The following SMYD3 variants were observed in gnomAD, a reference collection of about 807,000 sequenced individuals.
SMYD3 encodes histone-lysine N-methyltransferase SMYD3.
Under a neutral mutation model 57.7 loss-of-function variants are expected in SMYD3, and 36 were observed. The observed-to-expected ratio is 0.62, with a 90% CI of 0.48 to 0.82. The LOEUF (loss-of-function observed/expected upper bound fraction) is 0.82, where lower values mean the gene tolerates loss of function less well. SMYD3 is among the 40% of genes least tolerant of loss of function. SMYD3 has a pLI of 0.00. For missense variants in SMYD3, 515 were observed against 538.8 expected (o/e 0.96, Z 0.44); for synonymous variants, 211 against 195.0 (o/e 1.08, Z -0.68).
chr1:245,895,381 T>A (rs1216218396), intron 8 of SMYD3, among the ~76,000 whole-genome samples: 1 of 152,126 alleles, frequency 6.6e-6, no homozygotes, highest in Non-Finnish European at 1.5e-5. Context: ...GATGAAAACT[T>A]TAGAAACGGG....
chr1:245,890,121 G>A (rs547196186), intron 8 of SMYD3, among the ~76,000 whole-genome samples: 4 of 152,182 alleles, frequency 2.6e-5, no homozygotes, highest in East Asian at 1.9e-4. Flanking sequence ...CTCAAACTAC[G>A]AAACTACTAA....
rs970924576 is a variant in SMYD3, at chr1:246,075,597, G to A, written c.532-145660C>T. ...TTATTACCAGCAGACCTGTACTACC[G>A]GAGGTGCTAAAGGAAGTCCTTCAGG... On this transcript the variant is annotated intron_variant, in intron 5 of 11. Transcript: ENST00000490107. Among the ~76,000 whole-genome samples the A allele has an allele frequency of 4.6e-5, 7 of 152,110 alleles. No individual in the cohort carries two copies. In the East Asian group the frequency reaches 7.7e-4, roughly 17 times the overall value.
intron 10 of SMYD3, among the ~76,000 whole-genome samples, chr1:245,786,378 T>C (rs573837226): frequency 1.2e-3 from 180 of 152,274 alleles, no homozygotes; most frequent in Admixed American, 2.3e-3. Flanking sequence ...ACTTCATTGA[T>C]TAAAACTGTA....
chr1:246,179,363 G>A (rs1006402633), intron 5 of SMYD3, among the ~76,000 whole-genome samples: 33 of 152,142 alleles, frequency 2.2e-4, no homozygotes, highest in Admixed American at 8.5e-4. Context: ...GAGGGGTCCT[G>A]ATCTCTTGAC....
chr1:246,461,618 T>G (rs992297056), intron 1 of SMYD3, among the ~76,000 whole-genome samples: 1 of 149,942 alleles, frequency 6.7e-6, no homozygotes, highest in African/African-American at 2.5e-5. Context: ...AAAAAAAAAA[T>G]TAAAATTGAG....
At position 246,234,130 on chromosome 1, in the gene SMYD3, C is replaced by T. The variant is rs58868197; in HGVS notation, c.531+93071G>A. On this transcript the variant is annotated intron_variant, in intron 5 of 11. Transcript: ENST00000490107. ...CACAGAGGAGAAGCACTCCTTCAAT[C>T]CACACTGTGATGAATATATACCACA... 4.3e-4 allele frequency among the ~76,000 whole-genome samples: 45 copies of T among 104,242 alleles called. No homozygotes were observed. In the South Asian group the frequency reaches 5.2e-3, roughly 12 times the overall value. The allele number at this position is 104,242 out of a possible 152,430, so 68.4% of individuals were successfully genotyped here. A position where few individuals can be genotyped will look rare whatever the true frequency, so the allele number is the denominator to read the frequency against.
chr1:246,193,513 TG>T (rs1322366434), intron 5 of SMYD3, among the ~76,000 whole-genome samples: 3 of 152,188 alleles, frequency 2.0e-5, no homozygotes, highest in Admixed American at 1.3e-4. Flanking sequence ...GCAGTGGCCT[TG>T]TGGCCTGATC....
intron 10 of SMYD3, among the ~76,000 whole-genome samples, chr1:245,790,193 A>C (rs1455010959): frequency 1.3e-5 from 2 of 152,232 alleles, no homozygotes; most frequent in Non-Finnish European, 2.9e-5. Flanking sequence ...GGGCTGGTAG[A>C]TGAGTAAAAA....
intron 8 of SMYD3, among the ~76,000 whole-genome samples, chr1:245,879,159 G>A (rs1216333248): frequency 1.3e-5 from 2 of 152,202 alleles, no homozygotes; most frequent in Non-Finnish European, 2.9e-5. Flanking sequence ...ATGCTTGACA[G>A]TCGCTTAGGT....
Position 246,483,574 on chromosome 1 carries a change from T to G in SMYD3, c.164+23480A>C, listed in dbSNP as rs1200392159. On this transcript the variant is annotated intron_variant, in intron 1 of 11. Transcript: ENST00000490107. ...GGAAGAATATTCACTAAGCTATCTC[T>G]ATTGCAGATGTAAAGCCTTAAAGGA... 3 of 152,208 alleles carry G rather than the reference T, an allele frequency of 2.0e-5. No homozygotes were observed. The East Asian group carries it at 5.8e-4, about 29-fold the overall frequency. The allele number at this position is 152,208 out of a possible 1,614,324, so 9.4% of individuals were successfully genotyped here.
intron 1 of SMYD3, among the ~76,000 whole-genome samples, chr1:246,465,600 G>A (rs962707290): frequency 6.6e-6 from 1 of 152,190 alleles, no homozygotes; most frequent in Non-Finnish European, 1.5e-5. Context: ...TTGGGAGGCT[G>A]AGGCAGGAAT....
At chr1:246,405,176 T>C (rs2066840915) in intron 1 of SMYD3, among the ~76,000 whole-genome samples, 1 of 152,098 alleles carries the variant, frequency 6.6e-6, no homozygotes, top group African/African-American at 2.4e-5. Context: ...GGTCTCAAAC[T>C]CCTGGACTCA....
chr1:245,889,579 C>G (rs2053268149), intron 8 of SMYD3, among the ~76,000 whole-genome samples: 2 of 152,198 alleles, frequency 1.3e-5, no homozygotes, highest in South Asian at 4.1e-4. Context: ...TGTCTGGTCT[C>G]TGTCCCAAGG....
intron 8 of SMYD3, among the ~76,000 whole-genome samples, chr1:245,882,466 C>A (rs1318007016): frequency 6.6e-6 from 1 of 152,164 alleles, no homozygotes; most frequent in African/African-American, 2.4e-5. Context: ...AGCCAAAAAT[C>A]AATTTATAAT....
intron 1 of SMYD3, among the ~76,000 whole-genome samples, chr1:246,471,841 T>C (rs1402484464): frequency 6.6e-6 from 1 of 152,204 alleles, no homozygotes; most frequent in Non-Finnish European, 1.5e-5. Context: ...CTAAAAACTA[T>C]GCAGGTACCA....
At chr1:246,222,284 T>C (rs1220685408) in intron 5 of SMYD3, among the ~76,000 whole-genome samples, 1 of 152,292 alleles carries the variant, frequency 6.6e-6, no homozygotes, top group South Asian at 2.1e-4. Flanking sequence ...ATTCATCTGA[T>C]TATCATAGCT....
intron 10 of SMYD3, among the ~76,000 whole-genome samples, chr1:245,844,605 C>T (rs201276711): frequency 4.1e-5 from 6 of 147,756 alleles, no homozygotes; most frequent in Admixed American, 6.7e-5. Context: ...TCCTTGGTTT[C>T]TTTTTTTTTT....
intron 11 of SMYD3, among the ~76,000 whole-genome samples, chr1:245,751,993 G>A (rs187691790): frequency 1.3e-5 from 2 of 152,216 alleles, no homozygotes; most frequent in East Asian, 3.9e-4. Flanking sequence ...CACATGCCTC[G>A]TGTTTTATTC....
intron 11 of SMYD3, among the ~76,000 whole-genome samples, chr1:245,753,772 G>C (rs2045495264): frequency 6.6e-6 from 1 of 152,218 alleles, no homozygotes; most frequent in South Asian, 2.1e-4. Context: ...ACAAACGAGA[G>C]CAATTGTTTC....
Sources: gnomAD v4.1 joint callset for allele counts (sites outside exome capture counted in the v4.1 genomes callset) on GRCh38, gnomAD v4.1.1 for gene constraint, MANE v1.5 for transcripts, NCBI Gene and HGNC (gene_info 2026-07-23, HGNC 2026-07-21) for gene names.